Variants in DOK6 observed in about 807,000 individuals in gnomAD.
The protein encoded by DOK6 is downstream of tyrosine kinase 6.
DOK6 carries 22 observed loss-of-function variants against 44.0 expected under a neutral mutation model. The ratio of observed to expected loss-of-function variants is 0.50; its 90% CI spans 0.36 to 0.71. The LOEUF is 0.71. Ranked by LOEUF, DOK6 falls within the 30% of genes least tolerant of loss-of-function variation. The probability of loss-of-function intolerance (pLI) is 0.00; values close to 1 mark genes in which losing one functional copy is unlikely to be tolerated. For synonymous variants in DOK6, 166 were observed against 145.5 expected (o/e 1.14, Z -1.01); for missense variants, 340 against 416.4 (o/e 0.82, Z 1.60).
chr18:69,613,351 A>G lies in DOK6; in HGVS notation c.289+13853A>G, dbSNP rs555317302. Among the ~76,000 whole-genome samples, 54 of 152,250 alleles carry G rather than the reference A, an allele frequency of 3.5e-4. 1 individual carries two copies. The highest frequency in any genetic ancestry group is 7.1e-4 in the Non-Finnish European group (48 of 68,008). On this transcript the variant is annotated intron_variant, in intron 3 of 7. Transcript: ENST00000382713. ...ATTGCTGTATACAATGAGAAATTCA[A>G]CATTTTGCCTGTTCATTAAAAGGAG... is the stretch of plus-strand genomic sequence containing the variant.
At chr18:69,603,048 C>T (rs936228496) in intron 3 of DOK6, among the ~76,000 whole-genome samples, 2 of 152,198 alleles carry the variant, frequency 1.3e-5, no homozygotes, top group Non-Finnish European at 2.9e-5. Flanking sequence ...AAGAACCAGA[C>T]TTAAAGTTGT....
In DOK6 at chr18:69,802,704, C is replaced by T. The variant is rs143579282; in HGVS notation, c.857-38540C>T. ...TCCCTGTCTTGCTCTCTCTTTCTCA[C>T]CATGTGATATGCTGGCTCTCTCTTG... is the stretch of plus-strand genomic sequence containing the variant. On this transcript the variant is annotated intron_variant, in intron 7 of 7. Transcript: ENST00000382713. 1.3e-3 allele frequency among the ~76,000 whole-genome samples: 203 copies of T among 152,210 alleles called. 1 individual carries two copies. The highest frequency in any genetic ancestry group is 4.7e-3 in the African/African-American group (195 of 41,546).
At chr18:69,751,059 A>G (rs1979160238) in intron 6 of DOK6, among the ~76,000 whole-genome samples, 2 of 152,234 alleles carry the variant, frequency 1.3e-5, no homozygotes, top group Admixed American at 6.5e-5. Flanking sequence ...AAATCAATCA[A>G]CTCATAAAAG....
At chr18:69,581,625 G>T (rs1398838994) in intron 2 of DOK6, among the ~76,000 whole-genome samples, 1 of 152,086 alleles carries the variant, frequency 6.6e-6, no homozygotes, top group African/African-American at 2.4e-5. Flanking sequence ...GGCAATTCAG[G>T]CATGGGATAT....
chr18:69,437,290 G>A (rs2122435492), intron 1 of DOK6, among the ~76,000 whole-genome samples: 1 of 152,266 alleles, frequency 6.6e-6, no homozygotes, highest in Admixed American at 6.5e-5. Context: ...ATGGTTTTAG[G>A]TCTTACAGTT....
At chr18:69,550,855 C>G (rs571202236) in intron 1 of DOK6, among the ~76,000 whole-genome samples, 3 of 148,530 alleles carry the variant, frequency 2.0e-5, no homozygotes, top group African/African-American at 7.5e-5. Flanking sequence ...ACGATCTTGG[C>G]TCACTGAAAC....
At chr18:69,553,755 T>G (rs1599188608) in intron 1 of DOK6, among the ~76,000 whole-genome samples, 1 of 152,272 alleles carries the variant, frequency 6.6e-6, no homozygotes, top group East Asian at 1.9e-4. Flanking sequence ...GAAAATCCAG[T>G]CATTTACTTA....
chr18:69,794,626 A>G (rs978698684), intron 7 of DOK6, among the ~76,000 whole-genome samples: 3 of 152,154 alleles, frequency 2.0e-5, no homozygotes, highest in African/African-American at 7.2e-5. Context: ...GATGCAAAGC[A>G]GGGGTCCCAA....
intron 1 of DOK6, among the ~76,000 whole-genome samples, chr18:69,447,413 T>C (rs1393313204): frequency 1.3e-5 from 2 of 151,950 alleles, no homozygotes; most frequent in African/African-American, 2.4e-5. Flanking sequence ...CATTGGTCTA[T>C]ATCTCTGTTT....
At chr18:69,644,681 TAG>T (rs1985027222) in intron 3 of DOK6, among the ~76,000 whole-genome samples, 1 of 152,186 alleles carries the variant, frequency 6.6e-6, no homozygotes, top group Non-Finnish European at 1.5e-5. Flanking sequence ...TTTTATAAGG[TAG>T]AGTGATTCCT....
chr18:69,583,963 C>G (rs905936338), intron 2 of DOK6, among the ~76,000 whole-genome samples: 4 of 151,880 alleles, frequency 2.6e-5, no homozygotes, highest in Non-Finnish European at 5.9e-5. Flanking sequence ...AAAAAATTAG[C>G]CAGGCGTGGT....
intron 7 of DOK6, among the ~76,000 whole-genome samples, chr18:69,776,825 T>G (rs1028570543): frequency 2.6e-5 from 4 of 152,050 alleles, no homozygotes; most frequent in African/African-American, 9.7e-5. Flanking sequence ...TATCAATATA[T>G]TCTAAAGAAA....
At chr18:69,439,467 C>T (rs1979077356) in intron 1 of DOK6, among the ~76,000 whole-genome samples, 1 of 152,240 alleles carries the variant, frequency 6.6e-6, no homozygotes, top group Non-Finnish European at 1.5e-5. Flanking sequence ...CTTCTTCCAG[C>T]AGAAGGCTGT....
At chr18:69,766,427 T>C (rs1006804807) in intron 7 of DOK6, among the ~76,000 whole-genome samples, 1 of 152,052 alleles carries the variant, frequency 6.6e-6, no homozygotes. Flanking sequence ...AAAAAGAAAA[T>C]CAATGTACAA....
chr18:69,760,750 TC>T (rs1979527118), intron 7 of DOK6, among the ~76,000 whole-genome samples: 2 of 115,262 alleles, frequency 1.7e-5, no homozygotes, highest in South Asian at 7.1e-4. Flanking sequence ...TTATTACTAC[TC>T]CTGAAATCTT....
At chr18:69,619,448 A>G (rs1984389535) in intron 3 of DOK6, among the ~76,000 whole-genome samples, 1 of 152,194 alleles carries the variant, frequency 6.6e-6, no homozygotes, top group Non-Finnish European at 1.5e-5. Flanking sequence ...GAACCATGTT[A>G]AGGAATTTCT....
intron 1 of DOK6, among the ~76,000 whole-genome samples, chr18:69,444,166 A>C (rs1979214755): frequency 6.6e-6 from 1 of 152,204 alleles, no homozygotes; most frequent in Non-Finnish European, 1.5e-5. Flanking sequence ...GAAATGGCTG[A>C]GCTCATGGAG....
chr18:69,684,156 TAG>T (rs1986100223), intron 4 of DOK6, among the ~76,000 whole-genome samples: 1 of 152,214 alleles, frequency 6.6e-6, no homozygotes, highest in Admixed American at 6.5e-5. Flanking sequence ...TTGATTTATA[TAG>T]ACACCACCTA....
intron 7 of DOK6, among the ~76,000 whole-genome samples, chr18:69,768,763 C>T (rs1382931440): frequency 6.6e-6 from 1 of 151,754 alleles, no homozygotes; most frequent in Non-Finnish European, 1.5e-5. Flanking sequence ...ATGTCCTTCA[C>T]ATCTAGCACA....
Sources: allele counts gnomAD v4.1 joint callset (sites outside exome capture counted in the v4.1 genomes callset), GRCh38; gene constraint gnomAD v4.1.1; transcripts MANE v1.5; gene names NCBI Gene and HGNC (gene_info 2026-07-23, HGNC 2026-07-21).